Variants in HMGCLL1 observed in about 807,000 individuals in gnomAD.
The protein encoded by HMGCLL1 is 3-hydroxymethyl-3-methylglutaryl-CoA lyase, cytoplasmic.
A neutral mutation model predicts 39.1 loss-of-function variants in HMGCLL1; 36 were observed. The ratio of observed to expected loss-of-function variants is 0.92; its 90% CI spans 0.71 to 1.22. The LOEUF (loss-of-function observed/expected upper bound fraction) is 1.22, where lower values mean the gene tolerates loss of function less well. Among genes scored for constraint, HMGCLL1 ranks in the 50% most tolerant of loss-of-function variants. The pLI, the probability that HMGCLL1 is intolerant of heterozygous loss-of-function variation, is 0.00. For synonymous variants in HMGCLL1, 149 were observed against 144.0 expected (o/e 1.03, Z -0.25); for missense variants, 451 against 416.5 (o/e 1.08, Z -0.72).
intron 6 of HMGCLL1, among the ~76,000 whole-genome samples, chr6:55,497,914 C>A (rs193223409): frequency 6.6e-6 from 1 of 152,122 alleles, no homozygotes; most frequent in Admixed American, 6.5e-5. Context: ...AGGAGGGAGA[C>A]AATGAGGGGA....
At chr6:55,669,101 A>G in the HMGCLL1 span, among the ~76,000 whole-genome samples, 40 of 148,562 alleles carry the variant, frequency 2.7e-4, no homozygotes, top group Non-Finnish European at 5.2e-4. Flanking sequence ...AGAAAACAGT[A>G]GAGAAGGAGG....
chr6:55,623,626 A>C, the HMGCLL1 span, among the ~76,000 whole-genome samples: 1 of 147,218 alleles, frequency 6.8e-6, no homozygotes, highest in Admixed American at 6.8e-5. Flanking sequence ...GAAGAGAGAT[A>C]TATACATATA....
chr6:55,634,478 G>A, the HMGCLL1 span, among the ~76,000 whole-genome samples: 1 of 152,068 alleles, frequency 6.6e-6, no homozygotes, highest in Non-Finnish European at 1.5e-5. Flanking sequence ...AAGACAAAGA[G>A]GAATTGGAGA....
intron 1 of HMGCLL1, among the ~76,000 whole-genome samples, chr6:55,572,947 T>C (rs1175272479): frequency 6.6e-6 from 1 of 152,200 alleles, no homozygotes; most frequent in Non-Finnish European, 1.5e-5. Flanking sequence ...AGCAGAACTT[T>C]TCTTTTTGAG....
chr6:55,531,556 C>A (rs144310239), intron 3 of HMGCLL1, among the ~76,000 whole-genome samples: 9 of 152,216 alleles, frequency 5.9e-5, no homozygotes, highest in East Asian at 1.9e-4. Context: ...ACATGATGAA[C>A]TCAATACAAT....
chr6:55,647,765 TTTTA>T, the HMGCLL1 span, among the ~76,000 whole-genome samples: 11 of 120,398 alleles, frequency 9.1e-5, no homozygotes, highest in Non-Finnish European at 1.9e-4. Context: ...TTTTATTTTA[TTTTA>T]TTTTTTTTTT....
At chr6:55,589,693 C>T in the HMGCLL1 span, among the ~76,000 whole-genome samples, 1 of 152,178 alleles carries the variant, frequency 6.6e-6, no homozygotes, top group African/African-American at 2.4e-5. Flanking sequence ...TGATTAGCAA[C>T]TTCAGCAAAG....
the HMGCLL1 span, among the ~76,000 whole-genome samples, chr6:55,599,104 G>C: frequency 2.4e-3 from 372 of 152,122 alleles, 2 homozygotes; most frequent in African/African-American, 8.8e-3. Context: ...CACACACCAG[G>C]GCCTGTCGGG....
intron 5 of HMGCLL1, among the ~76,000 whole-genome samples, chr6:55,511,367 G>C (rs775268493): frequency 1.8e-4 from 27 of 152,148 alleles, no homozygotes; most frequent in Middle Eastern, 6.8e-3. Flanking sequence ...TTCTGAGCGT[G>C]TGTTAAAAAT....
the HMGCLL1 span, among the ~76,000 whole-genome samples, chr6:55,588,615 G>T: frequency 2.4e-4 from 37 of 151,946 alleles, no homozygotes; most frequent in Non-Finnish European, 4.6e-4. Flanking sequence ...ATGAATCCAG[G>T]AGCTGGTTTT....
At chr6:55,629,886 T>C in the HMGCLL1 span, among the ~76,000 whole-genome samples, 1 of 152,126 alleles carries the variant, frequency 6.6e-6, no homozygotes, top group East Asian at 1.9e-4. Context: ...AGAGGATGTA[T>C]GGAAATGCCT....
At chr6:55,477,053 T>C (rs1426974086) in intron 7 of HMGCLL1, among the ~76,000 whole-genome samples, 2 of 115,294 alleles carry the variant, frequency 1.7e-5, no homozygotes, top group African/African-American at 6.4e-5. Context: ...CTGGGTCAAA[T>C]GGTATTTCTA....
upstream of HMGCLL1, among the ~76,000 whole-genome samples, chr6:55,581,018 C>A (rs1405507873): frequency 1.3e-5 from 2 of 152,122 alleles, no homozygotes; most frequent in Non-Finnish European, 2.9e-5. Flanking sequence ...TTTAAAAGAT[C>A]CAACTTCAAC....
chr6:55,642,401 C>A, the HMGCLL1 span, among the ~76,000 whole-genome samples: 1 of 151,836 alleles, frequency 6.6e-6, no homozygotes, highest in African/African-American at 2.4e-5. Context: ...TTTTAATGGA[C>A]TGATTAACAA....
chr6:55,480,890 A>C (rs184335502), intron 7 of HMGCLL1, among the ~76,000 whole-genome samples: 75 of 152,296 alleles, frequency 4.9e-4, no homozygotes, highest in African/African-American at 1.7e-3. Flanking sequence ...ACAGAAAGAC[A>C]AACTTCACTT....
At chr6:55,659,890 C>G in the HMGCLL1 span, among the ~76,000 whole-genome samples, 1 of 151,842 alleles carries the variant, frequency 6.6e-6, no homozygotes, top group Admixed American at 6.6e-5. Context: ...TCTAAATCTT[C>G]TTGTATTTTG....
chr6:55,435,874 A>C (rs1328027989), intron 8 of HMGCLL1, 111 bp from the exon 9 acceptor site: 1 of 497,968 alleles, frequency 2.0e-6, no homozygotes, highest in Non-Finnish European at 3.5e-6. Context: ...AAAATTACTA[A>C]ACAAAGTGGT....
chr6:55,614,987 T>G, the HMGCLL1 span, among the ~76,000 whole-genome samples: 1 of 152,038 alleles, frequency 6.6e-6, no homozygotes, highest in African/African-American at 2.4e-5. Flanking sequence ...TAAAAAAAAG[T>G]TATATGAAAT....
At chr6:55,599,041 C>T in the HMGCLL1 span, among the ~76,000 whole-genome samples, 141 of 152,230 alleles carry the variant, frequency 9.3e-4, no homozygotes, top group Middle Eastern at 3.4e-3. Flanking sequence ...TATGTTCTCA[C>T]TCATAAGTGG....
Sources: allele counts gnomAD v4.1 joint callset (sites outside exome capture counted in the v4.1 genomes callset), GRCh38; gene constraint gnomAD v4.1.1; transcripts MANE v1.5; gene names NCBI Gene and HGNC (gene_info 2026-07-23, HGNC 2026-07-21).